TFDP2: variants seen among roughly 807,000 people sequenced by gnomAD.
TFDP2 encodes transcription factor Dp-2.
TFDP2 carries 17 observed loss-of-function variants against 59.3 expected under a neutral mutation model. That is an observed-to-expected ratio of 0.29 (90% CI 0.20 to 0.43). The LOEUF (loss-of-function observed/expected upper bound fraction) is 0.43, where lower values mean the gene tolerates loss of function less well. Ranked by LOEUF, TFDP2 falls within the 20% of genes least tolerant of loss-of-function variation. The probability of loss-of-function intolerance (pLI) is 1.00; values close to 1 mark genes in which losing one functional copy is unlikely to be tolerated. For missense variants in TFDP2, 391 were observed against 528.8 expected (o/e 0.74, Z 2.56); for synonymous variants, 180 against 194.7 (o/e 0.92, Z 0.63).
chr3:142,019,666 T>A (rs1361608562), intron 3 of TFDP2, among the ~76,000 whole-genome samples: 1 of 150,608 alleles, frequency 6.6e-6, no homozygotes, highest in Non-Finnish European at 1.5e-5. Context: ...AACATCTTCT[T>A]ATACAATTTT....
At chr3:142,060,157 TCTGA>T (rs1448923244) in intron 3 of TFDP2, among the ~76,000 whole-genome samples, 4 of 152,192 alleles carry the variant, frequency 2.6e-5, no homozygotes, top group South Asian at 2.1e-4. Context: ...TGTTCTCCTT[TCTGA>T]CTGTCTATAT....
intron 3 of TFDP2, among the ~76,000 whole-genome samples, chr3:142,021,091 A>G (rs1421695609): frequency 1.3e-5 from 2 of 152,218 alleles, no homozygotes; most frequent in African/African-American, 2.4e-5. Flanking sequence ...GTACTGAACC[A>G]TGTTCGCCAA....
At chr3:142,138,848 G>T (rs1298140273) in intron 1 of TFDP2, among the ~76,000 whole-genome samples, 1 of 152,214 alleles carries the variant, frequency 6.6e-6, no homozygotes, top group African/African-American at 2.4e-5. Context: ...ATATTCTGTT[G>T]ATTCGGGGTG....
chr3:142,131,266 A>T (rs1432852405), intron 1 of TFDP2, among the ~76,000 whole-genome samples: 3 of 150,192 alleles, frequency 2.0e-5, no homozygotes, highest in Non-Finnish European at 4.4e-5. Context: ...AGACAAAAAT[A>T]ATCCAAATTT....
intron 4 of TFDP2, among the ~76,000 whole-genome samples, chr3:141,998,595 G>A (rs1245180878): frequency 6.6e-6 from 1 of 152,098 alleles, no homozygotes. Flanking sequence ...CTCCAGCCTA[G>A]GTGACAGAGC....
intron 3 of TFDP2, among the ~76,000 whole-genome samples, chr3:142,021,668 T>C (rs1443371452): frequency 6.6e-6 from 1 of 152,218 alleles, no homozygotes; most frequent in East Asian, 1.9e-4. Context: ...CCCTAAATTC[T>C]TAAATTTGAA....
intron 3 of TFDP2, among the ~76,000 whole-genome samples, chr3:142,086,873 C>G (rs1343204270): frequency 6.6e-6 from 1 of 152,180 alleles, no homozygotes; most frequent in Non-Finnish European, 1.5e-5. Context: ...CCAAGGGTCA[C>G]CTCATTTGTA....
intron 2 of TFDP2, 125 bp downstream of exon 2, chr3:142,101,610 C>T: frequency 1.7e-6 from 1 of 591,998 alleles, no homozygotes; most frequent in Non-Finnish European, 2.7e-6. Flanking sequence ...TAAACATAAA[C>T]AAATACAATT....
intron 3 of TFDP2, among the ~76,000 whole-genome samples, chr3:142,051,186 C>T (rs1225291942): frequency 6.6e-6 from 1 of 152,184 alleles, no homozygotes; most frequent in African/African-American, 2.4e-5. Context: ...AGCACCATCC[C>T]TGGCCTCTAC....
At chr3:142,128,255 G>A (rs944832667) in intron 1 of TFDP2, among the ~76,000 whole-genome samples, 15 of 152,172 alleles carry the variant, frequency 9.9e-5, no homozygotes, top group African/African-American at 3.6e-4. Flanking sequence ...GAAACAAATG[G>A]TTTACCTTTT....
At chr3:142,069,771 C>T (rs890302352) in intron 3 of TFDP2, among the ~76,000 whole-genome samples, 1 of 151,886 alleles carries the variant, frequency 6.6e-6, no homozygotes, top group African/African-American at 2.4e-5. Flanking sequence ...CCATGCCTGG[C>T]TAATTTTTTG....
chr3:141,952,603 A>G lies in TFDP2; in HGVS notation c.1251T>C (p.Ser417=). 1 of 1,580,318 alleles carries G rather than the reference A, an allele frequency of 6.3e-7. No homozygotes were observed. Among genetic ancestry groups the G allele is most frequent in the Non-Finnish European group, 8.5e-7 (1 of 1,171,624 alleles). The change falls in exon 13 of 13, where the codon TCT becomes TCC. Residue 417 remains serine, a synonymous_variant. Transcript: ENST00000489671. ...PNSHQSSSAA[S]HCSESRGETP... The stretch of plus-strand genomic sequence containing the variant: ...TCTCGCCTCGGGACTCGGAGCAGTG[A>G]GAGGCCGCACTGCTGGACTGGTGAC...
At chr3:142,031,808 G>T (rs751579096) in intron 3 of TFDP2, among the ~76,000 whole-genome samples, 12 of 152,104 alleles carry the variant, frequency 7.9e-5, no homozygotes, top group Non-Finnish European at 1.8e-4. Context: ...TGATTCTATA[G>T]GCAGAAATAA....
chr3:141,962,283 T>C (rs948412014), intron 10 of TFDP2, among the ~76,000 whole-genome samples: 1 of 152,170 alleles, frequency 6.6e-6, no homozygotes, highest in Non-Finnish European at 1.5e-5. Context: ...GGTTCTGGTT[T>C]ACTTCATAAC....
intron 7 of TFDP2, among the ~76,000 whole-genome samples, chr3:141,974,436 G>A (rs1940288517): frequency 7.9e-6 from 1 of 126,816 alleles, no homozygotes. Context: ...TAAAGATCAT[G>A]TTACCTGCAG....
At chr3:142,138,093 T>C (rs2062804119) in intron 1 of TFDP2, among the ~76,000 whole-genome samples, 1 of 152,190 alleles carries the variant, frequency 6.6e-6, no homozygotes, top group Admixed American at 6.5e-5. Context: ...TCTTCCTGGT[T>C]TAGTCTTGGG....
intron 3 of TFDP2, among the ~76,000 whole-genome samples, chr3:142,013,567 T>A (rs1944891101): frequency 6.6e-6 from 1 of 152,208 alleles, no homozygotes; most frequent in Admixed American, 6.5e-5. Flanking sequence ...AAACAACGAT[T>A]TTTAATGTTG....
intron 1 of TFDP2, among the ~76,000 whole-genome samples, chr3:142,135,459 G>A (rs945006804): frequency 6.6e-6 from 1 of 151,832 alleles, no homozygotes; most frequent in African/African-American, 2.4e-5. Flanking sequence ...ACAACATGCA[G>A]GTTTGTTACA....
chr3:142,128,430 G>T (rs748330559), intron 1 of TFDP2, among the ~76,000 whole-genome samples: 4 of 152,178 alleles, frequency 2.6e-5, no homozygotes, highest in African/African-American at 7.2e-5. Flanking sequence ...CTCTGCGAGG[G>T]AAAGTGATCC....
Sources: allele counts gnomAD v4.1 joint callset (sites outside exome capture counted in the v4.1 genomes callset), GRCh38; gene constraint gnomAD v4.1.1; transcripts MANE v1.5; gene names NCBI Gene and HGNC (gene_info 2026-07-23, HGNC 2026-07-21).